The following GPRIN1 variants were observed in gnomAD, a reference collection of about 807,000 sequenced individuals.
The protein encoded by GPRIN1 is G protein regulated inducer of neurite outgrowth 1.
Under a neutral mutation model 2.8 loss-of-function variants are expected in GPRIN1, and 4 were observed. The ratio of observed to expected loss-of-function variants is 1.45; its 90% CI spans 0.71 to 3.32. GPRIN1 has a LOEUF of 3.32. Ranked by LOEUF, GPRIN1 falls within the 30% of genes most tolerant of loss-of-function variation. The pLI is 0.01. For synonymous variants in GPRIN1, 589 were observed against 589.9 expected (o/e 1.00, Z 0.02); for missense variants, 1,322 against 1,343.4 (o/e 0.98, Z 0.25).
At position 176,596,793 on chromosome 5, in the gene GPRIN1, CA is replaced by C. The variant is rs1352231583; in HGVS notation, c.*14del. ...TGAGAAGGTCGGAAACTCGGGCGTA[CA>C]AAATGGGGGCAGATCACTCGGCCGT... On this transcript the variant is annotated 3_prime_UTR_variant, in exon 2 of 2. Coordinates refer to ENST00000303991, the MANE Select transcript of GPRIN1 (RefSeq NM_052899.3). The surrounding 1 kb of genome is among the most constrained non-coding windows in gnomAD (Gnocchi z 5.2). 2.1e-6 allele frequency: 3 copies of C among 1,425,118 alleles called. No homozygotes were observed. Among genetic ancestry groups the C allele is most frequent in the Admixed American group, 5.0e-5 (2 of 39,826 alleles). 88.3% of individuals were successfully genotyped at this position (1,425,118 alleles called of 1,614,324 possible).
chr5:176,605,760 G>A (rs1759213070), intron 1 of GPRIN1, among the ~76,000 whole-genome samples: 1 of 152,146 alleles, frequency 6.6e-6, no homozygotes, highest in African/African-American at 2.4e-5. Context: ...AGGAGTTTGA[G>A]GCTGCAGTGA....
At position 176,597,212 on chromosome 5, in the gene GPRIN1, G is replaced by A; in HGVS notation, c.2623C>T (p.Pro875Ser). The change falls in exon 2 of 2, where the codon CCC (proline) becomes TCC (serine). Residue 875 changes from proline to serine, a missense_variant. Coordinates refer to ENST00000303991, the MANE Select transcript of GPRIN1 (RefSeq NM_052899.3). This position sits in a 1 kb window ranked among gnomAD's most constrained non-coding sequence, Gnocchi z 6.1. ...AAETRSVATG[P>S]MTPQAAAPPA... The stretch of plus-strand genomic sequence containing the variant: ...GGCGCGGCGGCTTGAGGTGTCATGG[G>A]CCCAGTGGCCACGGAGCGCGTCTCG... The A allele has an allele frequency of 7.8e-7, 1 of 1,284,308 alleles. No homozygotes were observed. The highest frequency in any genetic ancestry group is 9.8e-7 in the Non-Finnish European group (1 of 1,016,406). The allele number at this position is 1,284,308 out of a possible 1,614,324, so 79.6% of individuals were successfully genotyped here. A position where few individuals can be genotyped will look rare whatever the true frequency, so the allele number is the denominator to read the frequency against.
Position 176,597,147 on chromosome 5 carries a change from C to T in GPRIN1, c.2688G>A (p.Ala896=), listed in dbSNP as rs369418636. ...CCGGGGGCGCTACAGCGGCCGCCAGCGCTGAGCCGGGCCGCACCCGCACTT... is the reference window on the plus strand; with the variant it reads ...CCGGGGGCGCTACAGCGGCCGCCAGTGCTGAGCCGGGCCGCACCCGCACTT... ...FPEVRVRPGS[A]LAAAVAPPEP... is the part of the protein sequence containing the mutation. The change falls in exon 2 of 2, where the codon GCG becomes GCA. Residue 896 remains alanine, a synonymous_variant. Transcript: ENST00000303991. The surrounding 1 kb of genome is among the most constrained non-coding windows in gnomAD (Gnocchi z 6.1). 13 of 1,433,446 alleles carry T rather than the reference C, an allele frequency of 9.1e-6. No homozygotes were observed. The East Asian group carries it at 1.4e-4, about 15-fold the overall frequency. 88.8% of individuals were successfully genotyped at this position (1,433,446 alleles called of 1,614,324 possible). A position where few individuals can be genotyped will look rare whatever the true frequency, so the allele number is the denominator to read the frequency against.
chr5:176,606,779 T>C (rs1014691788), intron 1 of GPRIN1, among the ~76,000 whole-genome samples: 3 of 152,222 alleles, frequency 2.0e-5, no homozygotes, highest in African/African-American at 7.2e-5. Flanking sequence ...AGAGGTGACC[T>C]TGTACAAGTC....
chr5:176,601,836 G>C (rs1446249262), intron 1 of GPRIN1, among the ~76,000 whole-genome samples: 1 of 152,072 alleles, frequency 6.6e-6, no homozygotes, highest in Non-Finnish European at 1.5e-5. Context: ...TCTGGCTACT[G>C]CCATCTGGAC....
rs746497068 is a variant in GPRIN1, at chr5:176,596,909, G to C, written c.2926C>G (p.Pro976Ala). Reference sequence around the variant, plus strand: ...GGCGGACGCTTGGCGGCGCCATCTGGGGGCGCGGTGCGCACCGAGCCCGAA... The same window carrying C: ...GGCGGACGCTTGGCGGCGCCATCTGCGGGCGCGGTGCGCACCGAGCCCGAA... The part of the protein sequence containing the change: ...GRSGSVRTAP[P>A]DGAAKRPPGL... The change falls in exon 2 of 2, where the codon CCA becomes GCA. Residue 976 changes from proline to alanine, a missense_variant. Around this residue, in one of 3 missense-constraint regions of GPRIN1, gnomAD observed 196 missense variants for 189.2 expected, o/e 1.04. Coordinates refer to ENST00000303991, the MANE Select transcript of GPRIN1 (RefSeq NM_052899.3). This position sits in a 1 kb window ranked among gnomAD's most constrained non-coding sequence, Gnocchi z 5.2. 1.9e-5 allele frequency: 23 copies of C among 1,229,280 alleles called. No individual in the cohort carries two copies. The highest frequency in any genetic ancestry group is 2.2e-5 in the Non-Finnish European group (22 of 985,088). 76.1% of individuals were successfully genotyped at this position (1,229,280 alleles called of 1,614,324 possible).
chr5:176,595,885 A>C lies in GPRIN1; in HGVS notation c.*923T>G, dbSNP rs1379481939. 5 of 447,152 alleles carry C rather than the reference A, an allele frequency of 1.1e-5. No homozygotes were observed. Among genetic ancestry groups the C allele is most frequent in the Admixed American group, 8.3e-5 (2 of 24,140 alleles). The allele number at this position is 447,152 out of a possible 1,614,324, so 27.7% of individuals were successfully genotyped here. A position where few individuals can be genotyped will look rare whatever the true frequency, so the allele number is the denominator to read the frequency against. On this transcript the variant is annotated 3_prime_UTR_variant, in exon 2 of 2. Coordinates refer to ENST00000303991, the MANE Select transcript of GPRIN1 (RefSeq NM_052899.3). ...CTGGAGGGGTGGGGACGGGACACTG[A>C]GTGGTCACAAGGGACTTGGGCTCAC...
In GPRIN1 at chr5:176,598,284, T is replaced by C. The variant is rs766043941; in HGVS notation, c.1551A>G (p.Gly517=). ...TCTCCGAGGACAGGGGATCTCCTTTTCCCCCCGTCGCTGGCTCAGCCTTTA... is the reference window on the plus strand; with the variant it reads ...TCTCCGAGGACAGGGGATCTCCTTTCCCCCCCGTCGCTGGCTCAGCCTTTA... ...SAVKAEPATG[G]KGDPLSSEKA... The change falls in exon 2 of 2, where the codon GGA becomes GGG. Residue 517 remains glycine, a synonymous_variant. Transcript: ENST00000303991. The C allele has an allele frequency of 3.7e-6, 6 of 1,613,400 alleles. No individual in the cohort carries two copies. In the African/African-American group the frequency reaches 4.0e-5, roughly 11 times the overall value.
chr5:176,599,165 T>C lies in GPRIN1; in HGVS notation c.670A>G (p.Lys224Glu). The change falls in exon 2 of 2, where the codon AAG becomes GAG. Residue 224 changes from lysine (K) to glutamate (E), a missense_variant. Transcript: ENST00000303991. ...LGKVDPLCSS[K>E]TYTVSPRKED... is the part of the protein sequence containing the mutation. ...TTCCTCGGTGACACTGTATACGTCTTGCTGGAGCACAAAGGATCTACTTTT... is the reference window on the plus strand; with the variant it reads ...TTCCTCGGTGACACTGTATACGTCTCGCTGGAGCACAAAGGATCTACTTTT... The C allele has an allele frequency of 1.2e-6, 2 of 1,613,712 alleles. No homozygotes were observed. Among genetic ancestry groups the C allele is most frequent in the Non-Finnish European group, 1.7e-6 (2 of 1,179,858 alleles).
chr5:176,601,108 TG>T lies in GPRIN1; in HGVS notation c.-43-1232del, dbSNP rs771719105. ...AAAAAAAAAAAACCCAAACATTATG[TG>T]GGCCAAACAAGACTTGCCTGTAGGC... is the stretch of plus-strand genomic sequence containing the variant. On this transcript the variant is annotated intron_variant, in intron 1 of 1. Transcript: ENST00000303991. Among the ~76,000 whole-genome samples, 4 of 151,906 alleles carry T rather than the reference TG, an allele frequency of 2.6e-5. No homozygotes were observed. In the South Asian group the frequency reaches 8.3e-4, roughly 31 times the overall value.
chr5:176,607,935 T>C (rs1245667174), intron 1 of GPRIN1, among the ~76,000 whole-genome samples: 11 of 91,140 alleles, frequency 1.2e-4, no homozygotes, highest in African/African-American at 4.4e-4. Flanking sequence ...TTTTTTTTTT[T>C]TTTTTCTGAA....
chr5:176,601,967 G>T (rs996618638), intron 1 of GPRIN1, among the ~76,000 whole-genome samples: 1 of 152,134 alleles, frequency 6.6e-6, no homozygotes, highest in African/African-American at 2.4e-5. Context: ...CCTCTGCTCG[G>T]AACCAGGCAG....
chr5:176,598,714 A>T lies in GPRIN1; in HGVS notation c.1121T>A (p.Leu374Gln), dbSNP rs1287381959. ...VPATKEDSRF[L>Q]GKMDPASSGE... ...TGAGGAGGCAGGGTCCATCTTTCCC[A>T]GGAACCGGGAGTCCTCTTTTGTGGC... is the stretch of plus-strand genomic sequence containing the variant. Residue 374 changes from leucine (L) to glutamine (Q), a missense_variant, in exon 2 of 2, where the codon CTG becomes CAG. By Grantham distance (113) the Leu-to-Gln change is moderately radical (BLOSUM62 -2). This residue lies in a region of GPRIN1 where 1,117 missense variants were observed against 1,128.6 expected (regional missense o/e 0.99). Coordinates refer to ENST00000303991, the MANE Select transcript of GPRIN1 (RefSeq NM_052899.3). 6.2e-7 allele frequency: 1 copy of T among 1,613,924 alleles called. No homozygotes were observed. Among genetic ancestry groups the T allele is most frequent in the Non-Finnish European group, 8.5e-7 (1 of 1,180,026 alleles).
intron 1 of GPRIN1, among the ~76,000 whole-genome samples, chr5:176,603,042 T>C (rs1428823163): frequency 6.6e-6 from 1 of 152,150 alleles, no homozygotes; most frequent in Non-Finnish European, 1.5e-5. Flanking sequence ...GTGCGCCCCT[T>C]TGTGATGTTT....
Position 176,598,849 on chromosome 5 carries a change from T to G in GPRIN1, c.986A>C (p.Asn329Thr), listed in dbSNP as rs186707193. The change falls in exon 2 of 2, where the codon AAT (asparagine) becomes ACT (threonine). Residue 329 changes from asparagine (N) to threonine (T), a missense_variant. Asn to Thr is a moderately conservative substitution (Grantham distance 65). This residue lies in a region of GPRIN1 where 1,117 missense variants were observed against 1,128.6 expected (regional missense o/e 0.99). Transcript: ENST00000303991. ...GKLIPGSSGK[N>T]GPVSSGTGAP... ...CCCGGTCCCAGAGGATACAGGCCCA[T>G]TCTTGCCTGATGAGCCTGGAATCAG... is the stretch of plus-strand genomic sequence containing the variant. 1 of 1,613,474 alleles carries G rather than the reference T, an allele frequency of 6.2e-7. No homozygotes were observed. Among genetic ancestry groups the G allele is most frequent in the African/African-American group, 1.3e-5 (1 of 74,764 alleles).
Position 176,596,761 on chromosome 5 carries a change from G to A in GPRIN1, c.*47C>T. 2 of 1,375,872 alleles carry A rather than the reference G, an allele frequency of 1.5e-6. No homozygotes were observed. Among genetic ancestry groups the A allele is most frequent in the South Asian group, 1.7e-5 (1 of 58,398 alleles). The allele number at this position is 1,375,872 out of a possible 1,614,324, so 85.2% of individuals were successfully genotyped here. A position where few individuals can be genotyped will look rare whatever the true frequency, so the allele number is the denominator to read the frequency against. On this transcript the variant is annotated 3_prime_UTR_variant, in exon 2 of 2. Coordinates refer to ENST00000303991, the MANE Select transcript of GPRIN1 (RefSeq NM_052899.3). This position sits in a 1 kb window ranked among gnomAD's most constrained non-coding sequence, Gnocchi z 5.2. ...CCTTCTAGGGGCCTGTGATCAAGAA[G>A]GGAGCCTGAGAAGGTCGGAAACTCG...
rs935460348 is a variant in GPRIN1 at position 176,610,054 on chromosome 5, G to GCCGCCA, written c.-100_-99insTGGCGG. 6 of 152,960 alleles carry GCCGCCA rather than the reference G, an allele frequency of 3.9e-5. No individual in the cohort carries two copies. Among genetic ancestry groups the GCCGCCA allele is most frequent in the African/African-American group, 1.5e-4 (6 of 40,736 alleles). The allele number at this position is 152,960 out of a possible 1,614,324, so 9.5% of individuals were successfully genotyped here. Reference sequence around the variant, plus strand: ...GAGATGCGCTCCGGCTCCCGCCGCCGCCGCCGCCGCCGCCCGAGCGGCCTC... The same window carrying GCCGCCA: ...GAGATGCGCTCCGGCTCCCGCCGCCGCCGCCACCGCCGCCGCCGCCCGAGCGGCCTC... On this transcript the variant is annotated 5_prime_UTR_variant, in exon 1 of 2. Coordinates refer to ENST00000303991, the MANE Select transcript of GPRIN1 (RefSeq NM_052899.3).
intron 1 of GPRIN1, among the ~76,000 whole-genome samples, chr5:176,600,131 CTTTTTT>C (rs752031691): frequency 1.9e-4 from 29 of 152,060 alleles, no homozygotes; most frequent in Non-Finnish European, 3.4e-4. Context: ...TTTTCTTTTT[CTTTTTT>C]GAGACAGAGT....
rs1247511030 is a variant in GPRIN1 at position 176,605,008 on chromosome 5, C to T, written c.-44+4991G>A. ...TTGGCCTCCCAAAGTGCTGGGATTA[C>T]AGACATGAGCTACCGCGCCCAGCAT... On this transcript the variant is annotated intron_variant, in intron 1 of 1. Transcript: ENST00000303991. 2.0e-5 allele frequency among the ~76,000 whole-genome samples: 3 copies of T among 152,060 alleles called. No homozygotes were observed. The South Asian group carries it at 6.2e-4, about 32-fold the overall frequency.
Sources: allele counts gnomAD v4.1 joint callset (sites outside exome capture counted in the v4.1 genomes callset), GRCh38; gene constraint gnomAD v4.1.1; regional missense constraint gnomAD v4.1.1; non-coding constraint Gnocchi (gnomAD v3.1); transcripts MANE v1.5; gene names NCBI Gene and HGNC (gene_info 2026-07-23, HGNC 2026-07-21).